The following RIMBP2 variants were observed in gnomAD, a reference collection of about 807,000 sequenced individuals.
RIMBP2 encodes RIMS binding protein 2.
In RIMBP2, 48 loss-of-function variants were observed where a neutral mutation model predicts 118.6. The ratio of observed to expected loss-of-function variants is 0.40; its 90% CI spans 0.32 to 0.51. RIMBP2 has a LOEUF of 0.51. RIMBP2 is among the 20% of genes least tolerant of loss of function. The pLI is 0.41. For synonymous variants in RIMBP2, 762 were observed against 742.9 expected (o/e 1.03, Z -0.42); for missense variants, 1,551 against 1,768.3 (o/e 0.88, Z 2.20).
intron 1 of RIMBP2, among the ~76,000 whole-genome samples, chr12:130,686,258 C>T (rs958107406): frequency 1.3e-5 from 2 of 152,216 alleles, no homozygotes; most frequent in African/African-American, 4.8e-5. Flanking sequence ...GTGGCCTCAT[C>T]ATGGAGCTAT....
chr12:130,626,629 C>G (rs966034067), intron 2 of RIMBP2, among the ~76,000 whole-genome samples: 2 of 151,192 alleles, frequency 1.3e-5, no homozygotes, highest in Non-Finnish European at 2.9e-5. Flanking sequence ...ACGACTACCA[C>G]TGGCATCACC....
At chr12:130,540,476 G>C (rs924339118) in intron 2 of RIMBP2, among the ~76,000 whole-genome samples, 4 of 152,150 alleles carry the variant, frequency 2.6e-5, no homozygotes, top group African/African-American at 9.7e-5. Context: ...TGAGAAAGTT[G>C]CATTTGTCTT....
chr12:130,687,887 T>C (rs987609234), intron 1 of RIMBP2, among the ~76,000 whole-genome samples: 1 of 152,200 alleles, frequency 6.6e-6, no homozygotes, highest in Non-Finnish European at 1.5e-5. Context: ...TGCAGCAGCA[T>C]GATAAATGCT....
intron 1 of RIMBP2, among the ~76,000 whole-genome samples, chr12:130,698,102 T>C (rs1024335938): frequency 6.6e-6 from 1 of 152,038 alleles, no homozygotes; most frequent in Non-Finnish European, 1.5e-5. Flanking sequence ...GGAGGGGCCA[T>C]GAAGGAGACA....
intron 19 of RIMBP2, among the ~76,000 whole-genome samples, chr12:130,412,084 G>T (rs12230332): frequency 0.039 from 5,969 of 152,122 alleles, 311 homozygotes; most frequent in Admixed American, 0.15. Flanking sequence ...TAAATGTAAT[G>T]TTGCTTAAAA....
intron 3 of RIMBP2, among the ~76,000 whole-genome samples, chr12:130,510,311 T>G (rs2050782091): frequency 6.6e-6 from 1 of 152,036 alleles, no homozygotes. Flanking sequence ...GACAATATGG[T>G]GGCAATTGCA....
At chr12:130,464,576 A>G (rs1404511432) in intron 6 of RIMBP2, among the ~76,000 whole-genome samples, 15 of 151,602 alleles carry the variant, frequency 9.9e-5, no homozygotes, top group Admixed American at 8.5e-4. Context: ...CTGAATACCT[A>G]CTATGTGCTT....
chr12:130,445,215 C>T lies in RIMBP2; in HGVS notation c.636G>A (p.Thr212=), dbSNP rs781308063. Residue 212 remains threonine (T), a synonymous_variant, in exon 10 of 23, where the codon ACG becomes ACA. Transcript: ENST00000690449. ...NENPEAELPL[T]AGKYLYVYGD... ...CATAGACGTAGAGGTATTTTCCCGC[C>T]GTGAGGGGCAGCTCAGCTTCGGGGT... 5.0e-6 allele frequency: 8 copies of T among 1,613,368 alleles called. No individual in the cohort carries two copies. Among genetic ancestry groups the T allele is most frequent in the South Asian group, 2.2e-5 (2 of 90,988 alleles).
At chr12:130,608,277 G>C (rs547052584) in intron 2 of RIMBP2, among the ~76,000 whole-genome samples, 1 of 152,236 alleles carries the variant, frequency 6.6e-6, no homozygotes, top group Non-Finnish European at 1.5e-5. Context: ...GAGACTCTTA[G>C]GACTAGAGGA....
intron 5 of RIMBP2, among the ~76,000 whole-genome samples, chr12:130,476,329 A>G (rs980576657): frequency 2.6e-5 from 4 of 152,218 alleles, no homozygotes; most frequent in Non-Finnish European, 5.9e-5. Flanking sequence ...CACTCCTTTG[A>G]GATGGCTCCA....
chr12:130,550,059 C>G (rs773704216), intron 2 of RIMBP2, among the ~76,000 whole-genome samples: 1 of 152,082 alleles, frequency 6.6e-6, no homozygotes. Context: ...CTGACAGGTG[C>G]GAGATTGTAT....
intron 1 of RIMBP2, among the ~76,000 whole-genome samples, chr12:130,678,580 C>A (rs1238948638): frequency 1.3e-5 from 2 of 152,060 alleles, no homozygotes; most frequent in Non-Finnish European, 2.9e-5. Flanking sequence ...CGCAGTGGCA[C>A]GATCTCGGCT....
At chr12:130,455,218 C>T (rs780010886) in intron 7 of RIMBP2, among the ~76,000 whole-genome samples, 1 of 152,242 alleles carries the variant, frequency 6.6e-6, no homozygotes, top group Non-Finnish European at 1.5e-5. Flanking sequence ...GAACGGAAAC[C>T]GTCTTGTTTT....
intron 1 of RIMBP2, among the ~76,000 whole-genome samples, chr12:130,709,202 T>C (rs1949717032): frequency 6.6e-6 from 1 of 152,166 alleles, no homozygotes. Flanking sequence ...CTGGTGGGCT[T>C]GGGGACAAGC....
chr12:130,487,009 A>C (rs1053327889), intron 4 of RIMBP2, among the ~76,000 whole-genome samples: 5 of 152,108 alleles, frequency 3.3e-5, no homozygotes, highest in African/African-American at 1.2e-4. Context: ...CGGGAACAAA[A>C]TCCAGACTCC....
At chr12:130,589,741 T>C (rs574108794) in intron 2 of RIMBP2, among the ~76,000 whole-genome samples, 20 of 152,324 alleles carry the variant, frequency 1.3e-4, no homozygotes, top group Non-Finnish European at 2.5e-4. Context: ...AATTAAAAAT[T>C]AAGTATTTTT....
chr12:130,704,551 G>A (rs2066006056), intron 1 of RIMBP2, among the ~76,000 whole-genome samples: 1 of 151,860 alleles, frequency 6.6e-6, no homozygotes, highest in African/African-American at 2.4e-5. Context: ...CTCCAGCCTG[G>A]GCAACAGAGC....
chr12:130,561,949 T>A (rs2056852145), intron 2 of RIMBP2, among the ~76,000 whole-genome samples: 1 of 152,270 alleles, frequency 6.6e-6, no homozygotes, highest in Admixed American at 6.5e-5. Flanking sequence ...GTAATATATG[T>A]TCACTGTCAA....
At chr12:130,461,366 C>T (rs2079978312) in intron 6 of RIMBP2, among the ~76,000 whole-genome samples, 1 of 152,170 alleles carries the variant, frequency 6.6e-6, no homozygotes, top group Non-Finnish European at 1.5e-5. Context: ...GGTAGACCTG[C>T]AGGAACTCAG....
Sources: allele counts gnomAD v4.1 joint callset (sites outside exome capture counted in the v4.1 genomes callset), GRCh38; gene constraint gnomAD v4.1.1; transcripts MANE v1.5; gene names NCBI Gene and HGNC (gene_info 2026-07-23, HGNC 2026-07-21).